Variants in RASGRP3 observed in about 807,000 individuals in gnomAD.
The protein encoded by RASGRP3 is RAS guanyl releasing protein 3.
A neutral mutation model predicts 82.7 loss-of-function variants in RASGRP3; 54 were observed. The observed-to-expected ratio is 0.65, with a 90% confidence interval of 0.52 to 0.82. RASGRP3 has a LOEUF of 0.82. Ranked by LOEUF, RASGRP3 falls within the 40% of genes least tolerant of loss-of-function variation. The probability of loss-of-function intolerance (pLI) is 0.00; values close to 1 mark genes in which losing one functional copy is unlikely to be tolerated. For missense variants in RASGRP3, 861 were observed against 828.9 expected, an observed-to-expected ratio of 1.04 and a Z score of -0.48; for synonymous variants, 309 against 300.5, an observed-to-expected ratio of 1.03 and a Z score of -0.29.
At chr2:33,445,474 T>C (rs900747160) in intron 1 of RASGRP3, among the ~76,000 whole-genome samples, 1 of 152,246 alleles carries the variant, frequency 6.6e-6, no homozygotes, top group Non-Finnish European at 1.5e-5. Context: ...AAATTGGTAA[T>C]GGTCCAAAAG....
intron 1 of RASGRP3, among the ~76,000 whole-genome samples, chr2:33,500,034 A>G (rs1177911678): frequency 1.3e-5 from 2 of 152,198 alleles, no homozygotes; most frequent in African/African-American, 2.4e-5. Flanking sequence ...TGAGGAAGGA[A>G]GAGGAGAATT....
At chr2:33,485,919 C>G (rs891785181) in intron 1 of RASGRP3, among the ~76,000 whole-genome samples, 4 of 152,112 alleles carry the variant, frequency 2.6e-5, no homozygotes, top group African/African-American at 9.7e-5. Context: ...AATTCTGCAA[C>G]TATTTGGAAC....
chr2:33,536,264 T>C (rs1558499917), intron 11 of RASGRP3, among the ~76,000 whole-genome samples: 1 of 142,366 alleles, frequency 7.0e-6, no homozygotes, highest in Admixed American at 7.5e-5. Context: ...ATCACGCCAC[T>C]GCACTCCAGG....
Position 33,564,137 on chromosome 2 carries a change from G to T in RASGRP3, c.*1400G>T, listed in dbSNP as rs548638961. The T allele has an allele frequency of 1.3e-5, 2 of 152,314 alleles. No individual in the cohort carries two copies. The highest frequency in any genetic ancestry group is 3.9e-4 in the East Asian group (2 of 5,188). The allele number at this position is 152,314 out of a possible 1,614,324, so 9.4% of individuals were successfully genotyped here. On this transcript the variant is annotated 3_prime_UTR_variant, in exon 18 of 18. Transcript: ENST00000403687. ...GAGGACAGTTCTGCTCAGCAAAATTGTTGAGTACCTGTTCTGGGCAGGTCC... is the reference window on the plus strand; with the variant it reads ...GAGGACAGTTCTGCTCAGCAAAATTTTTGAGTACCTGTTCTGGGCAGGTCC...
chr2:33,466,488 G>T (rs1312032621), intron 2 of RASGRP3, among the ~76,000 whole-genome samples: 1 of 152,098 alleles, frequency 6.6e-6, no homozygotes, highest in Non-Finnish European at 1.5e-5. Flanking sequence ...AGACCAGCCT[G>T]ACCAACATGG....
chr2:33,478,118 T>A (rs1667544968), intron 1 of RASGRP3, among the ~76,000 whole-genome samples: 1 of 152,148 alleles, frequency 6.6e-6, no homozygotes, highest in Non-Finnish European at 1.5e-5. Flanking sequence ...CGAGTTTCCC[T>A]CAGCACAGTG....
At chr2:33,448,010 C>G (rs962197568) in intron 2 of RASGRP3, 1 of 152,134 alleles carries the variant, frequency 6.6e-6, no homozygotes, top group Non-Finnish European at 1.5e-5. Context: ...CACATAAAAT[C>G]TGATCACATG....
At chr2:33,490,312 C>T (rs1014332622) in intron 1 of RASGRP3, among the ~76,000 whole-genome samples, 2 of 152,178 alleles carry the variant, frequency 1.3e-5, no homozygotes, top group Non-Finnish European at 2.9e-5. Flanking sequence ...TTGTTGAGCT[C>T]ATATTCTACA....
chr2:33,545,771 C>T (rs1674673280), intron 13 of RASGRP3, among the ~76,000 whole-genome samples: 1 of 143,470 alleles, frequency 7.0e-6, no homozygotes, highest in African/African-American at 2.7e-5. Flanking sequence ...GATGAGATAT[C>T]ACCTCACACC....
intron 1 of RASGRP3, among the ~76,000 whole-genome samples, chr2:33,485,064 G>A (rs1291373803): frequency 6.6e-6 from 1 of 152,172 alleles, no homozygotes; most frequent in African/African-American, 2.4e-5. Flanking sequence ...CAAGTGTGGT[G>A]GTGCATGCCT....
At chr2:33,492,395 T>A (rs970913012) in intron 1 of RASGRP3, among the ~76,000 whole-genome samples, 3 of 152,278 alleles carry the variant, frequency 2.0e-5, no homozygotes, top group African/African-American at 7.2e-5. Flanking sequence ...AAATTCTGTG[T>A]GTGATTTCAG....
rs10710881 is a variant in RASGRP3, at chr2:33,446,491, ATT to A, written c.-384-1317_-384-1316del. Among the ~76,000 whole-genome samples, 295 of 147,122 alleles carry A rather than the reference ATT, an allele frequency of 2.0e-3. 1 individual carries two copies. The highest frequency in any genetic ancestry group is 0.015 in the South Asian group (70 of 4,648). ...GCAATTTTTTTTGGAAATTTTTTGG[ATT>A]TTTTTTTTTTTGGTTCCCAAATAGG... On this transcript the variant is annotated intron_variant, in intron 1 of 18. Transcript: ENST00000402538.
At chr2:33,474,887 C>T (rs1473008642), upstream of RASGRP3, among the ~76,000 whole-genome samples, 1 of 152,210 alleles carries the variant, frequency 6.6e-6, no homozygotes. Flanking sequence ...GCTGTTGTCG[C>T]TGTTGGGCAT....
chr2:33,537,336 A>ACACT (rs1673753053), intron 11 of RASGRP3, among the ~76,000 whole-genome samples: 1 of 100,420 alleles, frequency 1.0e-5, no homozygotes, highest in African/African-American at 3.5e-5. Context: ...CCCCCCACAC[A>ACACT]CACACACAAG....
chr2:33,538,527 T>TAATAAA (rs1297817360), intron 11 of RASGRP3, among the ~76,000 whole-genome samples: 2 of 150,002 alleles, frequency 1.3e-5, no homozygotes. Context: ...AATAAATAAA[T>TAATAAA]AATAAAAATA....
At chr2:33,533,341 C>T (rs1177569542) in intron 10 of RASGRP3, 1 of 152,120 alleles carries the variant, frequency 6.6e-6, no homozygotes, top group African/African-American at 2.4e-5. Context: ...TGGTTAAGTC[C>T]CAATTCACAA....
intron 4 of RASGRP3, among the ~76,000 whole-genome samples, chr2:33,519,571 C>T (rs903290274): frequency 6.6e-6 from 1 of 152,208 alleles, no homozygotes; most frequent in African/African-American, 2.4e-5. Flanking sequence ...CGTGCCACTG[C>T]ACTCCAGCCT....
chr2:33,531,724 T>A (rs919126901), intron 10 of RASGRP3: 12 of 152,200 alleles, frequency 7.9e-5, no homozygotes, highest in African/African-American at 2.9e-4. Flanking sequence ...CCAAAACATT[T>A]CCATCGCTGA....
At position 33,516,679 on chromosome 2, in the gene RASGRP3, A is replaced by G. The variant is rs373008885; in HGVS notation, c.173+35A>G. The G allele has an allele frequency of 2.9e-6, 4 of 1,366,330 alleles. No homozygotes were observed. In the African/African-American group the frequency reaches 4.3e-5, roughly 15 times the overall value. The allele number at this position is 1,366,330 out of a possible 1,614,324, so 84.6% of individuals were successfully genotyped here. On this transcript the variant is annotated intron_variant, in intron 4 of 17. Transcript: ENST00000403687. ...CAACTACTGTGTAATTTTTACAATCATAAATCAAGCTCTGTATTTAGATAG... is the reference window on the plus strand; with the variant it reads ...CAACTACTGTGTAATTTTTACAATCGTAAATCAAGCTCTGTATTTAGATAG...
Sources: gnomAD v4.1 joint callset for allele counts (sites outside exome capture counted in the v4.1 genomes callset) on GRCh38, gnomAD v4.1.1 for gene constraint, MANE v1.5 for transcripts, NCBI Gene and HGNC (gene_info 2026-07-23, HGNC 2026-07-21) for gene names.